The following ST6GAL1 variants were observed in gnomAD, a reference collection of about 807,000 sequenced individuals.
The protein encoded by ST6GAL1 is ST6 beta-galactoside alpha-2,6-sialyltransferase 1.
In ST6GAL1, 20 loss-of-function variants were observed where a neutral mutation model predicts 38.0. The ratio of observed to expected loss-of-function variants is 0.53; its 90% CI spans 0.37 to 0.77. The LOEUF (loss-of-function observed/expected upper bound fraction) is 0.77, where lower values mean the gene tolerates loss of function less well. Ranked by LOEUF, ST6GAL1 falls within the 30% of genes least tolerant of loss-of-function variation. The pLI, the probability that ST6GAL1 is intolerant of heterozygous loss-of-function variation, is 0.00. For synonymous variants in ST6GAL1, 196 were observed against 188.2 expected, an observed-to-expected ratio of 1.04 and a Z score of -0.34; for missense variants, 432 against 496.4, an observed-to-expected ratio of 0.87 and a Z score of 1.23.
intron 1 of ST6GAL1, among the ~76,000 whole-genome samples, chr3:186,938,284 G>A (rs1259551737): frequency 2.0e-5 from 3 of 152,302 alleles, no homozygotes; most frequent in East Asian, 1.9e-4. Context: ...AACTAACAGC[G>A]CAAGCAAGTC....
At chr3:187,015,444 CA>C (rs1162076883) in intron 2 of ST6GAL1, among the ~76,000 whole-genome samples, 1 of 152,208 alleles carries the variant, frequency 6.6e-6, no homozygotes, top group African/African-American at 2.4e-5. Flanking sequence ...GGACCTTGCA[CA>C]TTCACTGAAA....
At chr3:186,961,985 C>G (rs1260919986) in intron 1 of ST6GAL1, among the ~76,000 whole-genome samples, 1 of 152,188 alleles carries the variant, frequency 6.6e-6, no homozygotes, top group Non-Finnish European at 1.5e-5. Flanking sequence ...AAGACCTCTT[C>G]CCTGACTGCT....
At chr3:186,999,986 C>T (rs1269736557) in intron 2 of ST6GAL1, among the ~76,000 whole-genome samples, 1 of 152,062 alleles carries the variant, frequency 6.6e-6, no homozygotes, top group Non-Finnish European at 1.5e-5. Context: ...TATAGGCGTG[C>T]ACTATCACAC....
intron 1 of ST6GAL1, among the ~76,000 whole-genome samples, chr3:186,946,185 G>A (rs556024617): frequency 1.3e-5 from 2 of 151,698 alleles, no homozygotes; most frequent in African/African-American, 2.4e-5. Flanking sequence ...GGTGGCGGGC[G>A]CCTGTAATCT....
In ST6GAL1 at chr3:187,077,557, A is replaced by G. The variant is rs2108454732; in HGVS notation, c.*1754A>G. The G allele has an allele frequency of 6.6e-6, 1 of 152,376 alleles. No individual in the cohort carries two copies. Among genetic ancestry groups the G allele is most frequent in the South Asian group, 2.1e-4 (1 of 4,830 alleles). 9.4% of individuals were successfully genotyped at this position (152,376 alleles called of 1,614,324 possible). On this transcript the variant is annotated 3_prime_UTR_variant, in exon 8 of 8. Coordinates refer to ENST00000169298, the MANE Select transcript of ST6GAL1 (RefSeq NM_173216.2). ...TGGATTTTCAAATTGATGCTCCCCT[A>G]CTGACTAGCTGTGCCACTCTGGGCA... is the stretch of plus-strand genomic sequence containing the variant.
chr3:187,007,115 C>G (rs1459200374), intron 2 of ST6GAL1, among the ~76,000 whole-genome samples: 1 of 152,184 alleles, frequency 6.6e-6, no homozygotes, highest in African/African-American at 2.4e-5. Context: ...AGGCAGAGTA[C>G]TGGGTTCAAA....
At chr3:187,052,260 A>G (rs1000100841) in intron 5 of ST6GAL1, among the ~76,000 whole-genome samples, 9 of 152,182 alleles carry the variant, frequency 5.9e-5, no homozygotes, top group Non-Finnish European at 4.4e-5. Flanking sequence ...TGCTTCCTGC[A>G]TAGCCCACTT....
intron 2 of ST6GAL1, among the ~76,000 whole-genome samples, chr3:187,017,773 C>CGGACAT (rs1717165789): frequency 6.6e-6 from 1 of 152,180 alleles, no homozygotes; most frequent in Admixed American, 6.5e-5. Context: ...AAAACCACGA[C>CGGACAT]GGACATGGTT....
intron 2 of ST6GAL1, among the ~76,000 whole-genome samples, chr3:187,013,011 G>C (rs1717006885): frequency 6.6e-6 from 1 of 152,190 alleles, no homozygotes; most frequent in Non-Finnish European, 1.5e-5. Flanking sequence ...AGGTGGAAGG[G>C]CTCAGGGAGA....
At chr3:187,049,014 C>T (rs957703013) in intron 4 of ST6GAL1, among the ~76,000 whole-genome samples, 3 of 151,472 alleles carry the variant, frequency 2.0e-5, no homozygotes, top group Non-Finnish European at 4.4e-5. Flanking sequence ...CCTCAGCCTC[C>T]AGAGTAGCTA....
At chr3:186,970,222 T>C (rs1280911496) in intron 2 of ST6GAL1, among the ~76,000 whole-genome samples, 6 of 150,700 alleles carry the variant, frequency 4.0e-5, no homozygotes, top group African/African-American at 9.7e-5. Flanking sequence ...TTTCTTTTTT[T>C]TTTTTTTTTT....
chr3:187,041,016 C>T (rs1718106832), intron 3 of ST6GAL1, among the ~76,000 whole-genome samples: 1 of 152,196 alleles, frequency 6.6e-6, no homozygotes, highest in South Asian at 2.1e-4. Context: ...TGTGGCTTCA[C>T]ACTGCTGTCT....
Position 186,942,669 on chromosome 3 carries a change from G to T in ST6GAL1, c.-325+11835G>T, listed in dbSNP as rs140829598. ...CTTAACCAAGTCTGGTGAAGGAAAC[G>T]TGGCAAAATTTACCATCTTCTGGGC... On this transcript the variant is annotated intron_variant, in intron 1 of 7. Transcript: ENST00000169298. Among the ~76,000 whole-genome samples, 281 of 152,264 alleles carry T rather than the reference G, an allele frequency of 1.8e-3. 2 individuals carry two copies. The highest frequency in any genetic ancestry group is 6.5e-3 in the African/African-American group (272 of 41,544).
At chr3:187,019,691 G>A (rs1390785231) in intron 2 of ST6GAL1, among the ~76,000 whole-genome samples, 3 of 152,164 alleles carry the variant, frequency 2.0e-5, no homozygotes, top group African/African-American at 7.2e-5. Flanking sequence ...CTTCATGGGA[G>A]AGGGTTTCTG....
chr3:186,944,842 T>G (rs1238593371), intron 1 of ST6GAL1, among the ~76,000 whole-genome samples: 1 of 152,138 alleles, frequency 6.6e-6, no homozygotes, highest in East Asian at 1.9e-4. Flanking sequence ...CAAGACTTAG[T>G]CACATAGATA....
intron 3 of ST6GAL1, among the ~76,000 whole-genome samples, chr3:187,040,573 A>G (rs1718091258): frequency 6.6e-6 from 1 of 152,202 alleles, no homozygotes; most frequent in Admixed American, 6.5e-5. Flanking sequence ...CAATATCTCT[A>G]TCATAGTGTT....
chr3:187,038,164 C>T (rs1717995479), intron 2 of ST6GAL1, among the ~76,000 whole-genome samples: 1 of 147,974 alleles, frequency 6.8e-6, no homozygotes, highest in Admixed American at 6.7e-5. Flanking sequence ...CTTTAGCTTT[C>T]TAGCCCATTC....
intron 1 of ST6GAL1, among the ~76,000 whole-genome samples, chr3:186,938,926 G>A (rs1279328754): frequency 6.6e-6 from 1 of 152,130 alleles, no homozygotes; most frequent in East Asian, 1.9e-4. Flanking sequence ...CTAAGAGCCT[G>A]CCTCTGCTGT....
intron 1 of ST6GAL1, among the ~76,000 whole-genome samples, chr3:186,937,004 C>T (rs1713982123): frequency 7.0e-6 from 1 of 141,870 alleles, no homozygotes; most frequent in Non-Finnish European, 1.5e-5. Context: ...AAGTACTGTA[C>T]AAAAAAACAT....
Sources: allele counts gnomAD v4.1 joint callset (sites outside exome capture counted in the v4.1 genomes callset), GRCh38; gene constraint gnomAD v4.1.1; transcripts MANE v1.5; gene names NCBI Gene and HGNC (gene_info 2026-07-23, HGNC 2026-07-21).